Variants in ITGBL1 observed in about 807,000 individuals in gnomAD.
The protein encoded by ITGBL1 is integrin subunit beta like 1.
In ITGBL1, 51 loss-of-function variants were observed where a neutral mutation model predicts 68.5. The ratio of observed to expected loss-of-function variants is 0.74; its 90% confidence interval spans 0.59 to 0.94. The LOEUF (loss-of-function observed/expected upper bound fraction) is 0.94, where lower values mean the gene tolerates loss of function less well. Ranked by LOEUF, ITGBL1 falls within the 40% of genes least tolerant of loss-of-function variation. The probability of loss-of-function intolerance (pLI) is 0.00; values close to 1 mark genes in which losing one functional copy is unlikely to be tolerated. For synonymous variants in ITGBL1, 209 were observed against 227.3 expected, an observed-to-expected ratio of 0.92 and a Z score of 0.72; for missense variants, 649 against 647.4, an observed-to-expected ratio of 1.00 and a Z score of -0.03.
chr13:101,640,139 C>T (rs2032313801), intron 7 of ITGBL1, among the ~76,000 whole-genome samples: 1 of 152,012 alleles, frequency 6.6e-6, no homozygotes, highest in Non-Finnish European at 1.5e-5. Context: ...GACAAGAAGT[C>T]CATGAAAATC....
At chr13:101,594,162 T>A (rs1033184907) in intron 6 of ITGBL1, among the ~76,000 whole-genome samples, 1 of 152,132 alleles carries the variant, frequency 6.6e-6, no homozygotes, top group Non-Finnish European at 1.5e-5. Flanking sequence ...GAAGGCACCA[T>A]AGCTCTTGAT....
chr13:101,589,376 T>C (rs1039261403), intron 6 of ITGBL1, among the ~76,000 whole-genome samples: 4 of 152,214 alleles, frequency 2.6e-5, no homozygotes, highest in Admixed American at 2.0e-4. Context: ...TCAAACACTT[T>C]CTGTGCCACT....
chr13:101,516,252 C>G (rs528217919), intron 2 of ITGBL1, among the ~76,000 whole-genome samples: 4 of 152,120 alleles, frequency 2.6e-5, no homozygotes, highest in Non-Finnish European at 4.4e-5. Context: ...TTTAAATCCT[C>G]CTCTGTCCCA....
chr13:101,512,671 C>T (rs368867604), intron 2 of ITGBL1, among the ~76,000 whole-genome samples: 1 of 152,058 alleles, frequency 6.6e-6, no homozygotes, highest in South Asian at 2.1e-4. Flanking sequence ...CAGAGTGCTG[C>T]AAGGAAATGT....
intron 2 of ITGBL1, among the ~76,000 whole-genome samples, chr13:101,538,757 A>T (rs181967775): frequency 6.6e-6 from 1 of 152,286 alleles, no homozygotes; most frequent in African/African-American, 2.4e-5. Flanking sequence ...TCAGGCATGT[A>T]AGGGAAAATT....
At chr13:101,670,399 G>C (rs1379913605) in intron 7 of ITGBL1, among the ~76,000 whole-genome samples, 2 of 152,010 alleles carry the variant, frequency 1.3e-5, no homozygotes. Flanking sequence ...TTTGATGATG[G>C]GCCTAAGAAA....
Position 101,702,396 on chromosome 13 carries a change from C to T in ITGBL1, c.1133-4360C>T, listed in dbSNP as rs146726969. Reference sequence around the variant, plus strand: ...ATTGATTGTATTTCTTTTCTTATGACCAATTTAGTTTTATATTGCTCTTCT... The same window carrying T: ...ATTGATTGTATTTCTTTTCTTATGATCAATTTAGTTTTATATTGCTCTTCT... On this transcript the variant is annotated intron_variant, in intron 8 of 10. Transcript: ENST00000376180. Among the ~76,000 whole-genome samples, 1,100 of 151,872 alleles carry T rather than the reference C, an allele frequency of 7.2e-3. 3 individuals are homozygous for T. The highest frequency in any genetic ancestry group is 0.011 in the Non-Finnish European group (764 of 67,922).
At chr13:101,466,002 A>G (rs891140258) in intron 2 of ITGBL1, among the ~76,000 whole-genome samples, 1 of 152,028 alleles carries the variant, frequency 6.6e-6, no homozygotes, top group Non-Finnish European at 1.5e-5. Flanking sequence ...TTGACAAGCC[A>G]ACCAAAATGA....
chr13:101,606,029 A>G (rs950314357), intron 7 of ITGBL1, among the ~76,000 whole-genome samples: 6 of 145,672 alleles, frequency 4.1e-5, no homozygotes, highest in African/African-American at 1.5e-4. Context: ...TATGTTATAT[A>G]GCATATATAT....
At chr13:101,689,476 G>A (rs763264575) in intron 7 of ITGBL1, among the ~76,000 whole-genome samples, 22 of 151,206 alleles carry the variant, frequency 1.5e-4, no homozygotes, top group Non-Finnish European at 1.3e-4. Flanking sequence ...AGCCAGGCAC[G>A]TGCCTGTAGT....
chr13:101,545,824 C>A (rs1308591263), intron 2 of ITGBL1, among the ~76,000 whole-genome samples: 1 of 152,190 alleles, frequency 6.6e-6, no homozygotes, highest in African/African-American at 2.4e-5. Flanking sequence ...CAGCAAGCCT[C>A]TGACTGTTGT....
chr13:101,632,004 C>A (rs887818073), intron 7 of ITGBL1, among the ~76,000 whole-genome samples: 1 of 151,386 alleles, frequency 6.6e-6, no homozygotes, highest in African/African-American at 2.4e-5. Flanking sequence ...GATTTATATA[C>A]GGTACACAAA....
At chr13:101,508,536 T>C (rs527310662) in intron 2 of ITGBL1, among the ~76,000 whole-genome samples, 65 of 152,198 alleles carry the variant, frequency 4.3e-4, no homozygotes, top group Non-Finnish European at 8.7e-4. Context: ...ACATCATCAC[T>C]GGAATTGAAT....
At chr13:101,646,722 C>A (rs1192594174) in intron 7 of ITGBL1, among the ~76,000 whole-genome samples, 4 of 151,882 alleles carry the variant, frequency 2.6e-5, no homozygotes, top group African/African-American at 9.7e-5. Context: ...ACCTAAAAAT[C>A]TAATAAGAGA....
intron 7 of ITGBL1, among the ~76,000 whole-genome samples, chr13:101,648,144 C>T (rs146726712): frequency 7.8e-4 from 119 of 152,260 alleles, no homozygotes; most frequent in African/African-American, 2.7e-3. Flanking sequence ...AGAATTATTA[C>T]ACCGTTCAGA....
chr13:101,514,126 A>G (rs2049158867), intron 2 of ITGBL1, among the ~76,000 whole-genome samples: 1 of 152,092 alleles, frequency 6.6e-6, no homozygotes, highest in South Asian at 2.1e-4. Context: ...TTCTAAAGTG[A>G]GACAAAATAA....
chr13:101,671,850 A>G (rs565597445), intron 7 of ITGBL1, among the ~76,000 whole-genome samples: 1 of 152,184 alleles, frequency 6.6e-6, no homozygotes, highest in Non-Finnish European at 1.5e-5. Context: ...GGCAGTATAT[A>G]TGTTTGTGTA....
At chr13:101,534,998 TC>T (rs2049547912) in intron 2 of ITGBL1, among the ~76,000 whole-genome samples, 4 of 152,096 alleles carry the variant, frequency 2.6e-5, no homozygotes, top group African/African-American at 9.7e-5. Context: ...CTTATGGCCT[TC>T]ATTCTGTAGC....
At chr13:101,609,488 A>T (rs576180227) in intron 7 of ITGBL1, among the ~76,000 whole-genome samples, 1 of 152,278 alleles carries the variant, frequency 6.6e-6, no homozygotes, top group African/African-American at 2.4e-5. Flanking sequence ...TAATCTGCAT[A>T]TGTGAAAAGA....
Sources: gnomAD v4.1 joint callset for allele counts (sites outside exome capture counted in the v4.1 genomes callset) on GRCh38, gnomAD v4.1.1 for gene constraint, MANE v1.5 for transcripts, NCBI Gene and HGNC (gene_info 2026-07-23, HGNC 2026-07-21) for gene names.